The following CFAP57 variants were observed in gnomAD, a reference collection of about 807,000 sequenced individuals.
The protein encoded by CFAP57 is cilia- and flagella-associated protein 57.
A neutral mutation model predicts 146.8 loss-of-function variants in CFAP57; 116 were observed. The observed-to-expected ratio is 0.79, with a 90% confidence interval of 0.68 to 0.92. The LOEUF (loss-of-function observed/expected upper bound fraction) is 0.92, where lower values mean the gene tolerates loss of function less well. Among genes scored for constraint, CFAP57 ranks in the 40% least tolerant of loss-of-function variants. The pLI, the probability that CFAP57 is intolerant of heterozygous loss-of-function variation, is 0.00. For missense variants in CFAP57, 1,377 were observed against 1,527.2 expected (o/e 0.90, Z 1.64); for synonymous variants, 518 against 552.8 (o/e 0.94, Z 0.88).
chr1:43,209,843 G>A lies in CFAP57; in HGVS notation c.1856G>A (p.Arg619His), dbSNP rs181283378. The change falls in exon 11 of 23, where the codon CGT becomes CAT. Residue 619 changes from arginine (R) to histidine (H), a missense_variant. Transcript: ENST00000372492. The part of the protein sequence containing the change: ...MFVGTSVGTI[R>H]AMKYPLPLQK... ...GTGGGCACCTCGGTGGGAACCATTC[G>A]TGCCATGAAGTACCCTCTGCCTCTG... The A allele has an allele frequency of 4.1e-5, 66 of 1,614,134 alleles. No homozygotes were observed. The East Asian group carries it at 8.2e-4, about 20-fold the overall frequency.
intron 5 of CFAP57, 24 bp from the exon 6 acceptor site, chr1:43,186,683 A>G (rs370076238): frequency 1.9e-6 from 3 of 1,612,992 alleles, no homozygotes; most frequent in Non-Finnish European, 2.5e-6. Flanking sequence ...GACATTACTG[A>G]TAGCTGTTTT....
At chr1:43,199,620 T>C in intron 9 of CFAP57, 117 bp downstream of exon 9, 1 of 899,072 alleles carries the variant, frequency 1.1e-6, no homozygotes, top group South Asian at 1.4e-5. Flanking sequence ...GTTCACTGTC[T>C]ACTTGGGGAA....
chr1:43,172,437 C>T lies in CFAP57; in HGVS notation c.-36C>T, dbSNP rs748599649. ...CTGGATACATGCGTGGTCTGCTGAC[C>T]CAGAGAGAAACGAAAGGTGGGAGGG... On this transcript the variant is annotated 5_prime_UTR_variant, in exon 1 of 23. Coordinates refer to ENST00000372492, the MANE Select transcript of CFAP57 (RefSeq NM_001378189.1). 4 of 1,549,722 alleles carry T rather than the reference C, an allele frequency of 2.6e-6. No individual in the cohort carries two copies. In the Admixed American group the frequency reaches 7.9e-5, roughly 30 times the overall value.
chr1:43,209,975 T>C lies in CFAP57; in HGVS notation c.1929+59T>C. On this transcript the variant is annotated intron_variant, in intron 11 of 22. Coordinates refer to ENST00000372492, the MANE Select transcript of CFAP57 (RefSeq NM_001378189.1). ...CACACCTGCCTGCTACGTGCCTTGT[T>C]CATCCCTTCAACCTCCCAATGTCTT... 1 of 1,613,570 alleles carries C rather than the reference T, an allele frequency of 6.2e-7. No homozygotes were observed. The highest frequency in any genetic ancestry group is 1.1e-5 in the South Asian group (1 of 91,082).
chr1:43,243,143 A>G, intron 21 of CFAP57, 84 bp from the exon 22 acceptor site: 5 of 1,462,512 alleles, frequency 3.4e-6, no homozygotes, highest in Non-Finnish European at 4.6e-6. Context: ...CCCATTCCCC[A>G]TACACTCAGC....
At chr1:43,244,917 A>G (rs2124670929) in intron 22 of CFAP57, among the ~76,000 whole-genome samples, 1 of 152,250 alleles carries the variant, frequency 6.6e-6, no homozygotes, top group South Asian at 2.1e-4. Flanking sequence ...AACAAAAAAC[A>G]AAAAAACAAA....
At chr1:43,213,567 TC>T (rs1644715634) in intron 11 of CFAP57, among the ~76,000 whole-genome samples, 1 of 151,998 alleles carries the variant, frequency 6.6e-6, no homozygotes, top group African/African-American at 2.4e-5. Context: ...TAGAAAAGTA[TC>T]CAGTAATGAG....
chr1:43,221,971 G>A, intron 14 of CFAP57, 134 bp from the exon 15 acceptor site: 1 of 678,434 alleles, frequency 1.5e-6, no homozygotes, highest in Non-Finnish European at 2.3e-6. Context: ...AGCTAGGCAG[G>A]CATTTGAATC....
chr1:43,183,982 G>C, intron 4 of CFAP57, 105 bp downstream of exon 4: 2 of 1,413,000 alleles, frequency 1.4e-6, no homozygotes, highest in East Asian at 4.7e-5. Context: ...TACCGTAAAA[G>C]TCAACTATGC....
chr1:43,175,720 G>A (rs1254360705), intron 2 of CFAP57, among the ~76,000 whole-genome samples: 4 of 151,590 alleles, frequency 2.6e-5, no homozygotes, highest in African/African-American at 9.7e-5. Context: ...TGCTGAGGCT[G>A]GTCTTGAACT....
intron 9 of CFAP57, among the ~76,000 whole-genome samples, chr1:43,200,649 GA>G (rs1233247806): frequency 6.6e-6 from 1 of 152,186 alleles, no homozygotes; most frequent in Admixed American, 6.5e-5. Flanking sequence ...GAGGCCATTG[GA>G]AAAGAGAGGC....
chr1:43,250,094 C>T (rs1000043393), intron 22 of CFAP57: 4 of 152,300 alleles, frequency 2.6e-5, no homozygotes, highest in African/African-American at 9.7e-5. Context: ...GACTTTTTCA[C>T]CTAACGTATG....
At chr1:43,218,577 C>T (rs1644924888) in intron 12 of CFAP57, among the ~76,000 whole-genome samples, 2 of 150,260 alleles carry the variant, frequency 1.3e-5, no homozygotes, top group Admixed American at 1.3e-4. Flanking sequence ...CACCGCACTC[C>T]AGCCTGGGTG....
intron 22 of CFAP57, among the ~76,000 whole-genome samples, chr1:43,251,163 G>T (rs932311149): frequency 6.6e-6 from 1 of 152,204 alleles, no homozygotes; most frequent in Non-Finnish European, 1.5e-5. Context: ...AAAATATATT[G>T]CTGAAACACC....
intron 22 of CFAP57, among the ~76,000 whole-genome samples, chr1:43,251,083 G>A (rs984126703): frequency 4.6e-5 from 7 of 152,228 alleles, no homozygotes; most frequent in African/African-American, 1.7e-4. Context: ...AGCTGCTTAG[G>A]AGGGCTTCTG....
chr1:43,224,120 G>T lies in CFAP57; in HGVS notation c.2781G>T (p.Leu927=), dbSNP rs1570222123. 3.2e-6 allele frequency: 5 copies of T among 1,550,600 alleles called. No individual in the cohort carries two copies. In the African/African-American group the frequency reaches 5.5e-5, roughly 17 times the overall value. ...IETLKGEQMK[L]QGVIKSLEKD... ...CCCTAAAAGGAGAGCAGATGAAGCT[G>T]CAAGGAGTCATTAAGTCTCTGGAGA... Residue 927 remains leucine, a synonymous_variant, in exon 17 of 23, where the codon CTG becomes CTT. Transcript: ENST00000372492.
At chr1:43,179,372 C>T (rs1569819677) in intron 2 of CFAP57, among the ~76,000 whole-genome samples, 1 of 152,142 alleles carries the variant, frequency 6.6e-6, no homozygotes, top group East Asian at 1.9e-4. Context: ...AATGCAAAAG[C>T]ATTTTACAAA....
At position 43,222,979 on chromosome 1, in the gene CFAP57, A is replaced by G; in HGVS notation, c.2688A>G (p.Thr896=). ...KESNLRLKGE[T]GIMRKKFSSL... Reference sequence around the variant, plus strand: ...CAAACCTGCGGCTCAAGGGAGAAACAGGCATCATGAGGAAGAAGGTAGCAG... The same window carrying G: ...CAAACCTGCGGCTCAAGGGAGAAACGGGCATCATGAGGAAGAAGGTAGCAG... The change falls in exon 16 of 23, where the codon ACA becomes ACG. Residue 896 remains threonine, a synonymous_variant. Transcript: ENST00000372492. 1.3e-6 allele frequency: 2 copies of G among 1,549,306 alleles called. No homozygotes were observed. Among genetic ancestry groups the G allele is most frequent in the Non-Finnish European group, 1.7e-6 (2 of 1,146,296 alleles).
chr1:43,209,674 G>A (rs1644509719), intron 10 of CFAP57, 69 bp from the exon 11 acceptor site: 1 of 1,464,050 alleles, frequency 6.8e-7, no homozygotes, highest in Admixed American at 1.8e-5. Context: ...GAGGGCGAGA[G>A]AGTATGGCAC....
Sources: gnomAD v4.1 joint callset for allele counts (sites outside exome capture counted in the v4.1 genomes callset) on GRCh38, gnomAD v4.1.1 for gene constraint, MANE v1.5 for transcripts, NCBI Gene and HGNC (gene_info 2026-07-23, HGNC 2026-07-21) for gene names.